The following FAM20A variants were observed in gnomAD, a reference collection of about 807,000 sequenced individuals.
FAM20A encodes FAM20A golgi associated secretory pathway pseudokinase, also known as pseudokinase FAM20A.
FAM20A carries 42 observed loss-of-function variants against 52.0 expected under a neutral mutation model. That is an observed-to-expected ratio of 0.81 (90% CI 0.63 to 1.04). The LOEUF is 1.04. Ranked by LOEUF, FAM20A falls within the 50% of genes least tolerant of loss-of-function variation. The pLI, the probability that FAM20A is intolerant of heterozygous loss-of-function variation, is 0.00. For synonymous variants in FAM20A, 304 were observed against 298.9 expected (o/e 1.02, Z -0.18); for missense variants, 742 against 712.7 (o/e 1.04, Z -0.47).
chr17:68,537,327 GC>G lies in FAM20A; in HGVS notation c.*149del, dbSNP rs1310194797. 2.1e-6 allele frequency: 2 copies of G among 958,734 alleles called. No homozygotes were observed. Among genetic ancestry groups the G allele is most frequent in the East Asian group, 5.1e-5 (2 of 39,188 alleles). The allele number at this position is 958,734 out of a possible 1,614,324, so 59.4% of individuals were successfully genotyped here. On this transcript the variant is annotated 3_prime_UTR_variant, in exon 11 of 11. Coordinates refer to ENST00000592554, the MANE Select transcript of FAM20A (RefSeq NM_017565.4). The surrounding 1 kb of genome is among the most constrained non-coding windows in gnomAD (Gnocchi z 4.2). ...AAGGAGTAAAGATTCAGTTCCATGG[GC>G]CCCACTTGCTGTTTGAGAAAATGTC...
chr17:68,589,574 G>A (rs1346086483), intron 1 of FAM20A, among the ~76,000 whole-genome samples: 1 of 152,148 alleles, frequency 6.6e-6, no homozygotes, highest in Non-Finnish European at 1.5e-5. Context: ...GGGGCAAGGG[G>A]AGCAGAAGTC....
At chr17:68,584,581 A>G (rs2088114986) in intron 1 of FAM20A, among the ~76,000 whole-genome samples, 1 of 152,210 alleles carries the variant, frequency 6.6e-6, no homozygotes, top group African/African-American at 2.4e-5. Context: ...TCATCTTCAC[A>G]TCTTCAGTAG....
rs937489055 is a variant in FAM20A at position 68,535,712 on chromosome 17, A to G, written c.*1765T>C. 2.0e-5 allele frequency: 9 copies of G among 449,134 alleles called. No homozygotes were observed. Among genetic ancestry groups the G allele is most frequent in the East Asian group, 7.0e-5 (1 of 14,358 alleles). The allele number at this position is 449,134 out of a possible 1,614,324, so 27.8% of individuals were successfully genotyped here. A position where few individuals can be genotyped will look rare whatever the true frequency, so the allele number is the denominator to read the frequency against. ...TTTTTTGTAGAGACAGGGTTTTGTCATGTTACCCAGGCTGGTCTCGAGCTC... is the reference window on the plus strand; with the variant it reads ...TTTTTTGTAGAGACAGGGTTTTGTCGTGTTACCCAGGCTGGTCTCGAGCTC... On this transcript the variant is annotated 3_prime_UTR_variant, in exon 11 of 11. Coordinates refer to ENST00000592554, the MANE Select transcript of FAM20A (RefSeq NM_017565.4).
intron 3 of FAM20A, among the ~76,000 whole-genome samples, chr17:68,552,665 C>CTTTTTTTTTTTTTTTTTTTTTT (rs1568739140): frequency 9.1e-6 from 1 of 109,970 alleles, no homozygotes; most frequent in African/African-American, 3.2e-5. Context: ...CCTTTATTTT[C>CTTTTTTTTTTTTTTTTTTTTTT]CTTTTTTTTT....
Position 68,542,000 on chromosome 17 carries a change from AGT to A in FAM20A, c.1092_1093del (p.Leu365GlyfsTer14), listed in dbSNP as rs1371179752. The A allele has an allele frequency of 6.2e-7, 1 of 1,613,456 alleles. No individual in the cohort carries two copies. Among genetic ancestry groups the A allele is most frequent in the African/African-American group, 1.3e-5 (1 of 74,880 alleles). On this transcript the variant is annotated frameshift_variant, in exon 7 of 11. Coordinates refer to ENST00000592554, the MANE Select transcript of FAM20A (RefSeq NM_017565.4). LOFTEE classifies it high-confidence loss of function. ...ACCAACTCACTCCTCTTTTCCTGCC[AGT>A]GTGTAGGAGCGGATCCAGGGGTTGG...
intron 9 of FAM20A, 56 bp from the exon 10 acceptor site, chr17:68,539,452 G>C: frequency 6.7e-7 from 1 of 1,493,258 alleles, no homozygotes; most frequent in Non-Finnish European, 9.3e-7. Context: ...GCATTCCCCT[G>C]AGGCTTCCTC....
intron 1 of FAM20A, among the ~76,000 whole-genome samples, chr17:68,571,277 C>T (rs112135116): frequency 7.2e-5 from 11 of 152,204 alleles, no homozygotes; most frequent in Non-Finnish European, 1.3e-4. Context: ...AGGATCTACC[C>T]TGGATTTCTT....
chr17:68,600,944 C>T lies in FAM20A; in HGVS notation c.-278G>A. On this transcript the variant is annotated 5_prime_UTR_variant, in exon 1 of 11. Coordinates refer to ENST00000592554, the MANE Select transcript of FAM20A (RefSeq NM_017565.4). The surrounding 1 kb of genome is among the most constrained non-coding windows in gnomAD (Gnocchi z 6.2). ...AATGGGGTTCCCGGGGTGCCCGCTT[C>T]TTGCGCCTTTTCTCCCGTGCGCCCG... The T allele has an allele frequency of 2.6e-6, 1 of 381,640 alleles. No individual in the cohort carries two copies. Among genetic ancestry groups the T allele is most frequent in the Non-Finnish European group, 4.6e-6 (1 of 216,188 alleles). 23.6% of individuals were successfully genotyped at this position (381,640 alleles called of 1,614,324 possible).
chr17:68,540,892 CCG>C lies in FAM20A; in HGVS notation c.1174_1175del (p.Arg392AlafsTer23). ...KQIYPYNNSQ[R>X]LLNVIDMAIF... ...TGGCCATGTCGATGACATTGAGGAG[CCG>C]CTGGCTGTTGTTGTACGGGTAGATC... On this transcript the variant is annotated frameshift_variant, in exon 8 of 11. Coordinates refer to ENST00000592554, the MANE Select transcript of FAM20A (RefSeq NM_017565.4). LOFTEE classifies it high-confidence loss of function. 2.5e-6 allele frequency: 4 copies of C among 1,605,488 alleles called. No homozygotes were observed. Among genetic ancestry groups the C allele is most frequent in the Non-Finnish European group, 3.4e-6 (4 of 1,176,194 alleles).
chr17:68,548,829 T>C (rs1171243630), intron 4 of FAM20A, among the ~76,000 whole-genome samples: 3 of 144,026 alleles, frequency 2.1e-5, no homozygotes, highest in African/African-American at 7.8e-5. Context: ...GCCTCCCGGG[T>C]TCACGCCATT....
intron 1 of FAM20A, chr17:68,590,465 G>A (rs559300643): frequency 1.3e-5 from 2 of 152,286 alleles, no homozygotes; most frequent in Non-Finnish European, 2.9e-5. Context: ...ACATGAACCC[G>A]TGGGAGAAAG....
intron 1 of FAM20A, among the ~76,000 whole-genome samples, chr17:68,577,230 C>A (rs979850462): frequency 1.3e-5 from 2 of 152,252 alleles, no homozygotes; most frequent in Non-Finnish European, 2.9e-5. Context: ...ATCTCTTAAA[C>A]CATTTCCTTA....
At chr17:68,564,428 A>G (rs547778535) in intron 1 of FAM20A, among the ~76,000 whole-genome samples, 32 of 152,340 alleles carry the variant, frequency 2.1e-4, no homozygotes, top group African/African-American at 6.5e-4. Context: ...ACACTGTTCT[A>G]CTGGCTAACC....
rs1164700537 is a variant in FAM20A at position 68,555,713 on chromosome 17, G to A, written c.435C>T (p.Asn145=). Residue 145 remains asparagine, a synonymous_variant, in exon 2 of 11, where the codon AAC becomes AAT. Transcript: ENST00000592554. ...GCAGTGGGGGGTCCAGGGAGGTAAG[G>A]TTCATCTGCTCTCTGTACATCTTGT... is the stretch of plus-strand genomic sequence containing the variant. ...RRHKMYREQM[N]LTSLDPPLQL... is the part of the protein sequence containing the mutation. 1.1e-5 allele frequency: 18 copies of A among 1,614,032 alleles called. No individual in the cohort carries two copies. In the East Asian group the frequency reaches 2.0e-4, roughly 18 times the overall value.
At position 68,600,457 on chromosome 17, in the gene FAM20A, G is replaced by A. The variant is rs2088588486; in HGVS notation, c.210C>T (p.Asn70=). 2 of 1,610,642 alleles carry A rather than the reference G, an allele frequency of 1.2e-6. No individual in the cohort carries two copies. The highest frequency in any genetic ancestry group is 1.7e-6 in the Non-Finnish European group (2 of 1,178,714). The part of the protein sequence containing the change: ...AASDPGTIVH[N]FSRTEPRTEP... Reference sequence around the variant, plus strand: ...CAGTCCGGGGCTCGGTTCGGGAAAAGTTGTGCACGATCGTGCCGGGGTCCG... The same window carrying A: ...CAGTCCGGGGCTCGGTTCGGGAAAAATTGTGCACGATCGTGCCGGGGTCCG... The change falls in exon 1 of 11, where the codon AAC becomes AAT. Residue 70 remains asparagine, a synonymous_variant. Transcript: ENST00000592554. This position sits in a 1 kb window ranked among gnomAD's most constrained non-coding sequence, Gnocchi z 6.2.
rs2086258492 is a variant in FAM20A, at chr17:68,540,913, G to T, written c.1155C>A (p.Tyr385Ter). The T allele has an allele frequency of 6.2e-7, 1 of 1,603,648 alleles. No homozygotes were observed. Reference sequence around the variant, plus strand: ...GGAGCCGCTGGCTGTTGTTGTACGGGTAGATCTGTTTCACTGTGTCACAGT... The same window carrying T: ...GGAGCCGCTGGCTGTTGTTGTACGGTTAGATCTGTTTCACTGTGTCACAGT... The part of the protein sequence containing the change: ...PLYCDTVKQI[Y>*]PYNNSQRLLN... The change falls in exon 8 of 11, where the codon TAC (tyrosine) becomes TAA (stop). Residue 385 changes from tyrosine (Y) to a stop codon, truncating the protein, a stop_gained. Transcript: ENST00000592554. LOFTEE classifies it high-confidence loss of function.
chr17:68,562,619 C>G (rs567649484), intron 1 of FAM20A, among the ~76,000 whole-genome samples: 15 of 152,078 alleles, frequency 9.9e-5, no homozygotes, highest in African/African-American at 1.9e-4. Flanking sequence ...CATCCCCCCC[C>G]CTTTTTATTT....
At chr17:68,594,084 T>C (rs2088381604) in intron 1 of FAM20A, among the ~76,000 whole-genome samples, 1 of 152,188 alleles carries the variant, frequency 6.6e-6, no homozygotes, top group Non-Finnish European at 1.5e-5. Flanking sequence ...TTATATAACT[T>C]TCTCGTTTCC....
chr17:68,562,445 A>G (rs1013382995), intron 1 of FAM20A, among the ~76,000 whole-genome samples: 2 of 152,250 alleles, frequency 1.3e-5, no homozygotes, highest in Non-Finnish European at 2.9e-5. Flanking sequence ...TGAAAAGAGC[A>G]CATACCAAAC....
Sources: gnomAD v4.1 joint callset for allele counts (sites outside exome capture counted in the v4.1 genomes callset) on GRCh38, gnomAD v4.1.1 for gene constraint, Gnocchi (gnomAD v3.1) non-coding constraint, MANE v1.5 for transcripts, NCBI Gene and HGNC (gene_info 2026-07-23, HGNC 2026-07-21) for gene names.